Variants in AKT3 observed in about 807,000 individuals in gnomAD.
The protein encoded by AKT3 is RAC-gamma serine/threonine-protein kinase.
In AKT3, 15 loss-of-function variants were observed where a neutral mutation model predicts 65.3. The observed-to-expected ratio is 0.23, with a 90% confidence interval of 0.15 to 0.35. The LOEUF (loss-of-function observed/expected upper bound fraction) is 0.35, where lower values mean the gene tolerates loss of function less well. Among genes scored for constraint, AKT3 ranks in the 10% least tolerant of loss-of-function variants. The pLI, the probability that AKT3 is intolerant of heterozygous loss-of-function variation, is 1.00. For missense variants in AKT3, 243 were observed against 576.5 expected (o/e 0.42, Z 5.92); for synonymous variants, 206 against 183.8 (o/e 1.12, Z -0.98).
rs34788254 is a variant in AKT3 at position 243,630,974 on chromosome 1, C to CTT, written c.561+6635_561+6636dup. On this transcript the variant is annotated intron_variant, in intron 6 of 13. Transcript: ENST00000673466. ...GTTTCATGTCTCAACCAAATAGCCTCTTTTTTTTTTTTCCATACAGGCATA... is the reference window on the plus strand; with the variant it reads ...GTTTCATGTCTCAACCAAATAGCCTCTTTTTTTTTTTTTTCCATACAGGCATA... Among the ~76,000 whole-genome samples, 422 of 147,606 alleles carry CTT rather than the reference C, an allele frequency of 2.9e-3. 2 individuals carry two copies. Among genetic ancestry groups the CTT allele is most frequent in the Non-Finnish European group, 3.3e-3 (220 of 66,894 alleles).
chr1:243,850,044 AACG>A lies in AKT3; in HGVS notation c.-120_-118del, dbSNP rs979194168. The A allele has an allele frequency of 2.2e-4, 216 of 983,330 alleles. 2 individuals carry two copies. The highest frequency in any genetic ancestry group is 2.6e-5 in the Non-Finnish European group (22 of 830,876). The allele number at this position is 983,330 out of a possible 1,614,324, so 60.9% of individuals were successfully genotyped here. A position where few individuals can be genotyped will look rare whatever the true frequency, so the allele number is the denominator to read the frequency against. On this transcript the variant is annotated 5_prime_UTR_variant, in exon 1 of 14. Coordinates refer to ENST00000673466, the MANE Select transcript of AKT3 (RefSeq NM_005465.7). ...GTTGGGGGCGGTGGCTGTTACCTGC[AACG>A]GCGGCGGCGGCGGTGGCGGCCCCGC...
chr1:243,822,216 T>C (rs543562059), intron 2 of AKT3, among the ~76,000 whole-genome samples: 42 of 152,280 alleles, frequency 2.8e-4, no homozygotes, highest in African/African-American at 9.1e-4. Flanking sequence ...ATCAAGAAGT[T>C]CCTTGAAATC....
chr1:243,796,769 T>TAC (rs1446335262), intron 2 of AKT3, among the ~76,000 whole-genome samples: 1 of 152,144 alleles, frequency 6.6e-6, no homozygotes, highest in East Asian at 1.9e-4. Flanking sequence ...CAAAATGTGG[T>TAC]ACATCCATAT....
intron 8 of AKT3, among the ~76,000 whole-genome samples, chr1:243,583,030 C>T (rs1675490612): frequency 6.6e-6 from 1 of 150,694 alleles, no homozygotes; most frequent in South Asian, 2.1e-4. Context: ...AAGAGTATTA[C>T]ATAATGATAA....
intron 12 of AKT3, among the ~76,000 whole-genome samples, chr1:243,527,902 C>CTCCATCTCTTAAA (rs1558590089): frequency 1.9e-4 from 21 of 111,582 alleles, no homozygotes; most frequent in Middle Eastern, 9.2e-3. Context: ...CACACACACA[C>CTCCATCTCTTAAA]ACACACACAC....
intron 13 of AKT3, among the ~76,000 whole-genome samples, chr1:243,493,365 G>A (rs2148293399): frequency 6.6e-6 from 1 of 152,314 alleles, no homozygotes; most frequent in South Asian, 2.1e-4. Flanking sequence ...GTTGGAGCCA[G>A]CTGGTGAGGA....
chr1:243,647,737 T>G (rs1680947898), intron 4 of AKT3, among the ~76,000 whole-genome samples: 1 of 152,224 alleles, frequency 6.6e-6, no homozygotes, highest in Admixed American at 6.5e-5. Flanking sequence ...GTATGCTTTT[T>G]ACATCTTTTT....
chr1:243,756,560 T>G (rs1427417748), intron 2 of AKT3, among the ~76,000 whole-genome samples: 1 of 152,236 alleles, frequency 6.6e-6, no homozygotes, highest in Non-Finnish European at 1.5e-5. Context: ...CATGAGCCCA[T>G]ATTGATAAAA....
At chr1:243,658,815 G>A (rs1682027256) in intron 4 of AKT3, among the ~76,000 whole-genome samples, 1 of 149,660 alleles carries the variant, frequency 6.7e-6, no homozygotes, top group Non-Finnish European at 1.5e-5. Context: ...ATTGCTTGAG[G>A]CCAGGAGTTC....
intron 7 of AKT3, among the ~76,000 whole-genome samples, chr1:243,614,423 C>T (rs984944896): frequency 6.6e-6 from 1 of 151,886 alleles, no homozygotes; most frequent in Non-Finnish European, 1.5e-5. Context: ...TCATTGGAAC[C>T]AAGAAAATAC....
chr1:243,564,157 C>T (rs1171831081), intron 9 of AKT3, among the ~76,000 whole-genome samples: 1 of 152,020 alleles, frequency 6.6e-6, no homozygotes. Context: ...AACATCAATC[C>T]TCTTTTTTTA....
chr1:243,709,816 A>T (rs1018867444), intron 2 of AKT3, among the ~76,000 whole-genome samples: 5 of 152,072 alleles, frequency 3.3e-5, no homozygotes, highest in African/African-American at 1.2e-4. Context: ...TCTTCCTTAG[A>T]AGTATAAAAT....
chr1:243,631,823 T>A (rs1412419169), intron 6 of AKT3, among the ~76,000 whole-genome samples: 1 of 152,240 alleles, frequency 6.6e-6, no homozygotes, highest in Admixed American at 6.5e-5. Context: ...GTAGATCCTA[T>A]CTCAAGAAAC....
At position 243,809,684 on chromosome 1, in the gene AKT3, T is replaced by C. The variant is rs182996913; in HGVS notation, c.46+33441A>G. On this transcript the variant is annotated intron_variant, in intron 2 of 13. Coordinates refer to ENST00000673466, the MANE Select transcript of AKT3 (RefSeq NM_005465.7). ...AACTCAGCGCTGCACCAAGCAGACC[T>C]AATAGACATCTAGAGAACTCTCCAC... Among the ~76,000 whole-genome samples the C allele has an allele frequency of 1.5e-3, 228 of 152,312 alleles. 1 individual carries two copies. The highest frequency in any genetic ancestry group is 5.3e-3 in the African/African-American group (220 of 41,572).
At chr1:243,773,025 C>G (rs1318708256) in intron 2 of AKT3, among the ~76,000 whole-genome samples, 8 of 107,960 alleles carry the variant, frequency 7.4e-5, no homozygotes, top group African/African-American at 2.6e-4. Flanking sequence ...CATCACACAC[C>G]AGGGGCTGTT....
chr1:243,554,080 A>G (rs1236354281), intron 10 of AKT3, among the ~76,000 whole-genome samples: 1 of 152,178 alleles, frequency 6.6e-6, no homozygotes, highest in Non-Finnish European at 1.5e-5. Flanking sequence ...TTACTCCTAC[A>G]TGACTTTTAT....
chr1:243,604,354 C>T (rs1677237444), intron 8 of AKT3, among the ~76,000 whole-genome samples: 1 of 152,142 alleles, frequency 6.6e-6, no homozygotes, highest in Admixed American at 6.5e-5. Context: ...CATGATGCTC[C>T]ACTGCCTTCA....
chr1:243,787,338 C>CA (rs1397254300), intron 2 of AKT3, among the ~76,000 whole-genome samples: 3 of 152,116 alleles, frequency 2.0e-5, no homozygotes, highest in Admixed American at 1.3e-4. Context: ...ACTAGATCTA[C>CA]AAGGCTTGTT....
Position 243,545,615 on chromosome 1 carries a change from A to C in AKT3, c.1164-18T>G, listed in dbSNP as rs1446197548. 1 of 1,548,070 alleles carries C rather than the reference A, an allele frequency of 6.5e-7. No homozygotes were observed. Among genetic ancestry groups the C allele is most frequent in the African/African-American group, 1.4e-5 (1 of 73,556 alleles). ...CACCAAGGCTATGAGAACAGAAATA[A>C]AATTAAGTAAGTATAAAACATTTAC... On this transcript the variant is annotated intron_variant, in intron 11 of 13. Coordinates refer to ENST00000673466, the MANE Select transcript of AKT3 (RefSeq NM_005465.7).
Sources: gnomAD v4.1 joint callset for allele counts (sites outside exome capture counted in the v4.1 genomes callset) on GRCh38, gnomAD v4.1.1 for gene constraint, MANE v1.5 for transcripts, NCBI Gene and HGNC (gene_info 2026-07-23, HGNC 2026-07-21) for gene names.